AFF3: variants seen among roughly 807,000 people sequenced by gnomAD.
AFF3 encodes the protein ALF transcription elongation factor 3.
AFF3 carries 32 observed loss-of-function variants against 129.7 expected under a neutral mutation model. The observed-to-expected ratio is 0.25, with a 90% confidence interval of 0.19 to 0.33. The LOEUF (loss-of-function observed/expected upper bound fraction) is 0.33. AFF3 is among the 10% of genes least tolerant of loss of function. The pLI is 1.00. For synonymous variants in AFF3, 644 were observed against 635.4 expected (o/e 1.01, Z -0.20); for missense variants, 1,373 against 1,592.0 (o/e 0.86, Z 2.34).
intron 11 of AFF3, among the ~76,000 whole-genome samples, chr2:99,713,506 A>G (rs1014964342): frequency 6.6e-6 from 1 of 151,716 alleles, no homozygotes; most frequent in African/African-American, 2.4e-5. Flanking sequence ...TGACCTCATG[A>G]TCCGCCCGCC....
chr2:100,118,288 A>G (rs886510661), intron 2 of AFF3, among the ~76,000 whole-genome samples: 6 of 152,226 alleles, frequency 3.9e-5, no homozygotes, highest in African/African-American at 1.4e-4. Context: ...TGACTTTCAC[A>G]GGATGCCTGC....
At chr2:99,901,023 TTTTGAAGAAACAGACTGTG>T (rs1415273884) in intron 7 of AFF3, among the ~76,000 whole-genome samples, 1 of 152,248 alleles carries the variant, frequency 6.6e-6, no homozygotes, top group Non-Finnish European at 1.5e-5. Context: ...GCTCCATGTC[TTTTGAAGAAACAGACTGTG>T]TGCGTACATG....
At chr2:99,701,158 G>C (rs988195398) in intron 11 of AFF3, among the ~76,000 whole-genome samples, 2 of 152,092 alleles carry the variant, frequency 1.3e-5, no homozygotes, top group Admixed American at 6.5e-5. Context: ...GGGTGTGGAC[G>C]TGGGTGTGTG....
At chr2:99,754,594 G>T (rs1681933623) in intron 8 of AFF3, among the ~76,000 whole-genome samples, 1 of 152,152 alleles carries the variant, frequency 6.6e-6, no homozygotes, top group Non-Finnish European at 1.5e-5. Context: ...TAAATAAAAT[G>T]AAAAGTCCAT....
At chr2:99,697,373 T>C (rs1178670410) in intron 11 of AFF3, among the ~76,000 whole-genome samples, 2 of 152,208 alleles carry the variant, frequency 1.3e-5, no homozygotes. Context: ...TGTGTATGTA[T>C]GGTTGAGATT....
At chr2:100,064,084 C>T (rs945779311) in intron 4 of AFF3, among the ~76,000 whole-genome samples, 53 of 140,620 alleles carry the variant, frequency 3.8e-4, no homozygotes, top group Non-Finnish European at 6.1e-4. Context: ...AACAAAACTC[C>T]GTCTCAAAAA....
intron 18 of AFF3, chr2:99,572,586 G>T: frequency 2.2e-6 from 1 of 455,774 alleles, no homozygotes; most frequent in Non-Finnish European, 4.4e-6. Flanking sequence ...GCAGAAATTG[G>T]ATGATTTTCT....
chr2:99,741,757 G>A (rs7602699), intron 10 of AFF3, among the ~76,000 whole-genome samples: 109,900 of 151,578 alleles, frequency 0.73, 40,931 homozygotes, highest in East Asian at 0.92. Context: ...AGCCCGCATC[G>A]CCAAGTCAAT....
chr2:100,101,974 A>G (rs1482086783), intron 4 of AFF3, among the ~76,000 whole-genome samples: 1 of 146,712 alleles, frequency 6.8e-6, no homozygotes, highest in East Asian at 2.0e-4. Context: ...GTCTGCTGTC[A>G]TCTGTTTTAT....
intron 12 of AFF3, among the ~76,000 whole-genome samples, chr2:99,671,940 G>A (rs571795867): frequency 6.6e-6 from 1 of 152,016 alleles, no homozygotes; most frequent in Non-Finnish European, 1.5e-5. Context: ...CTGATGTCTC[G>A]AGCTGATAAA....
At chr2:100,114,638 T>A (rs1691659438) in intron 2 of AFF3, among the ~76,000 whole-genome samples, 1 of 152,084 alleles carries the variant, frequency 6.6e-6, no homozygotes, top group Non-Finnish European at 1.5e-5. Context: ...CACCTTGGCC[T>A]CCCAAAGTGT....
chr2:99,915,226 T>A (rs1695395522), intron 7 of AFF3, among the ~76,000 whole-genome samples: 1 of 152,096 alleles, frequency 6.6e-6, no homozygotes, highest in Admixed American at 6.5e-5. Flanking sequence ...TTACATATTA[T>A]CATCTGACAG....
intron 4 of AFF3, among the ~76,000 whole-genome samples, chr2:100,074,438 T>C (rs894723278): frequency 6.6e-6 from 1 of 152,220 alleles, no homozygotes; most frequent in Admixed American, 6.5e-5. Flanking sequence ...ACAGCAGCTA[T>C]GTTAATAATC....
intron 7 of AFF3, among the ~76,000 whole-genome samples, chr2:99,850,163 A>G (rs1011634923): frequency 2.0e-5 from 3 of 152,204 alleles, no homozygotes; most frequent in African/African-American, 7.2e-5. Context: ...GACATCCAAA[A>G]CACAGTATAA....
rs990190879 is a variant in AFF3 at position 100,077,103 on chromosome 2, G to T, written c.53+27299C>A. Among the ~76,000 whole-genome samples the T allele has an allele frequency of 2.6e-5, 4 of 152,148 alleles. No individual in the cohort carries two copies. In the East Asian group the frequency reaches 7.7e-4, roughly 29 times the overall value. On this transcript the variant is annotated intron_variant, in intron 4 of 24. Coordinates refer to ENST00000672756, the MANE Select transcript of AFF3 (RefSeq NM_001386135.1). ...GTCTCTACTAAAAATTCAAAACGTAGCCGGGCATGGTGGCAGGCACCTGTA... is the reference window on the plus strand; with the variant it reads ...GTCTCTACTAAAAATTCAAAACGTATCCGGGCATGGTGGCAGGCACCTGTA...
chr2:99,945,962 C>A (rs1273836264), intron 7 of AFF3, among the ~76,000 whole-genome samples: 2 of 152,188 alleles, frequency 1.3e-5, no homozygotes, highest in Non-Finnish European at 2.9e-5. Context: ...TGATTAGTAT[C>A]AATGACTACG....
intron 7 of AFF3, among the ~76,000 whole-genome samples, chr2:99,954,705 A>G (rs1330048383): frequency 6.9e-6 from 1 of 144,586 alleles, no homozygotes; most frequent in Non-Finnish European, 1.5e-5. Context: ...CATAGGTGGG[A>G]ACTGAACAAT....
At chr2:99,662,096 C>T (rs1686289527) in intron 12 of AFF3, among the ~76,000 whole-genome samples, 2 of 151,706 alleles carry the variant, frequency 1.3e-5, no homozygotes, top group Admixed American at 6.6e-5. Context: ...GCCAAGATCG[C>T]GCCACTGAAC....
At chr2:99,665,129 C>T (rs1282308965) in intron 12 of AFF3, among the ~76,000 whole-genome samples, 1 of 152,206 alleles carries the variant, frequency 6.6e-6, no homozygotes, top group Non-Finnish European at 1.5e-5. Context: ...GAGACGTGGA[C>T]AAAGCCAGAT....
Sources: gnomAD v4.1 joint callset for allele counts (sites outside exome capture counted in the v4.1 genomes callset) on GRCh38, gnomAD v4.1.1 for gene constraint, MANE v1.5 for transcripts, NCBI Gene and HGNC (gene_info 2026-07-23, HGNC 2026-07-21) for gene names.